AP3S2: variants seen among roughly 807,000 people sequenced by gnomAD.
The protein encoded by AP3S2 is AP-3 complex subunit sigma-2.
Under a neutral mutation model 23.4 loss-of-function variants are expected in AP3S2, and 22 were observed. The ratio of observed to expected loss-of-function variants is 0.94; its 90% CI spans 0.67 to 1.34. AP3S2 has a LOEUF of 1.34. Among genes scored for constraint, AP3S2 ranks in the 40% most tolerant of loss-of-function variants. The pLI is 0.00. For missense variants in AP3S2, 241 were observed against 236.9 expected (o/e 1.02, Z -0.11); for synonymous variants, 86 against 87.1 (o/e 0.99, Z 0.07).
At chr15:89,836,537 A>G (rs1276446148) in intron 5 of AP3S2, among the ~76,000 whole-genome samples, 1 of 152,198 alleles carries the variant, frequency 6.6e-6, no homozygotes, top group Non-Finnish European at 1.5e-5. Flanking sequence ...TATCACAGAT[A>G]AAGAAGAGCT....
At chr15:89,886,020 C>G (rs891434433) in intron 3 of AP3S2, among the ~76,000 whole-genome samples, 1 of 150,306 alleles carries the variant, frequency 6.7e-6, no homozygotes, top group Non-Finnish European at 1.5e-5. Flanking sequence ...ATCCAATGTA[C>G]AATGTACACT....
At chr15:89,856,221 A>T (rs1322492613) in intron 4 of AP3S2, among the ~76,000 whole-genome samples, 3 of 152,180 alleles carry the variant, frequency 2.0e-5, no homozygotes, top group Non-Finnish European at 4.4e-5. Context: ...GCCAGTATGC[A>T]CAAGTCATAA....
chr15:89,836,607 C>T (rs1302281585), intron 5 of AP3S2, among the ~76,000 whole-genome samples: 1 of 152,164 alleles, frequency 6.6e-6, no homozygotes, highest in African/African-American at 2.4e-5. Flanking sequence ...CAGGCTCACC[C>T]CCACGTGGAG....
At chr15:89,835,701 TAAAAAA>T (rs5814404) in intron 5 of AP3S2, 58 bp from the exon 6 acceptor site, 1,367 of 1,037,308 alleles carry the variant, frequency 1.3e-3, no homozygotes, top group Admixed American at 1.9e-3. Flanking sequence ...TGCTTAATGC[TAAAAAA>T]AAAAAAAAAA....
chr15:89,872,548 A>G (rs1248774393), intron 3 of AP3S2, among the ~76,000 whole-genome samples: 2 of 152,202 alleles, frequency 1.3e-5, no homozygotes, highest in Admixed American at 1.3e-4. Flanking sequence ...CTCTCAGACA[A>G]TGACCTCATT....
intron 5 of AP3S2, among the ~76,000 whole-genome samples, chr15:89,836,217 G>T (rs756484971): frequency 1.3e-5 from 2 of 152,204 alleles, no homozygotes; most frequent in Admixed American, 6.5e-5. Context: ...GCTCCTCAGA[G>T]GCGGAGTGTG....
In AP3S2 at chr15:89,871,459, C is replaced by T. The variant is rs375488438; in HGVS notation, c.345+16G>A. On this transcript the variant is annotated intron_variant, in intron 4 of 5. Coordinates refer to ENST00000336418, the MANE Select transcript of AP3S2 (RefSeq NM_005829.5). ...CTAGTAACCCTAGTTTGGAAGAGAA[C>T]TGCAAGAGAATATACCTTATCCATA... The T allele has an allele frequency of 6.2e-6, 10 of 1,609,268 alleles. No individual in the cohort carries two copies. In the South Asian group the frequency reaches 8.9e-5, roughly 14 times the overall value.
chr15:89,858,308 G>A (rs1348027397), intron 4 of AP3S2, among the ~76,000 whole-genome samples: 1 of 151,992 alleles, frequency 6.6e-6, no homozygotes, highest in Non-Finnish European at 1.5e-5. Context: ...GGGTGTGGTG[G>A]CGCACGCCTA....
Position 89,833,259 on chromosome 15 carries a change from C to A in AP3S2, c.*2256G>T, listed in dbSNP as rs1364094617. On this transcript the variant is annotated 3_prime_UTR_variant, in exon 6 of 6. Coordinates refer to ENST00000336418, the MANE Select transcript of AP3S2 (RefSeq NM_005829.5). ...TGGCTCTTATACTCTATGACATGAT[C>A]ACTGGCCACCTTAGAAAATCAAGCC... The A allele has an allele frequency of 2.0e-5, 3 of 152,174 alleles. No individual in the cohort carries two copies. Among genetic ancestry groups the A allele is most frequent in the Non-Finnish European group, 4.4e-5 (3 of 68,038 alleles). 9.4% of individuals were successfully genotyped at this position (152,174 alleles called of 1,614,324 possible). A position where few individuals can be genotyped will look rare whatever the true frequency, so the allele number is the denominator to read the frequency against.
chr15:89,846,690 C>T (rs938522291), intron 4 of AP3S2, among the ~76,000 whole-genome samples: 1 of 152,182 alleles, frequency 6.6e-6, no homozygotes, highest in Non-Finnish European at 1.5e-5. Context: ...CCACACCCAG[C>T]TAATTTTTTG....
At chr15:89,866,358 T>C (rs964069674) in intron 4 of AP3S2, among the ~76,000 whole-genome samples, 2 of 151,276 alleles carry the variant, frequency 1.3e-5, no homozygotes, top group African/African-American at 4.9e-5. Flanking sequence ...CTACCCCTTC[T>C]CCCAGTGAGA....
chr15:89,869,161 G>A (rs958177477), intron 4 of AP3S2, among the ~76,000 whole-genome samples: 1 of 151,910 alleles, frequency 6.6e-6, no homozygotes, highest in African/African-American at 2.4e-5. Context: ...TTGAGAAATC[G>A]GATGGTTGCC....
rs1035130191 is a variant in AP3S2, at chr15:89,835,456, G to C, written c.*59C>G. The C allele has an allele frequency of 8.1e-6, 13 of 1,602,694 alleles. No homozygotes were observed. The highest frequency in any genetic ancestry group is 1.1e-5 in the Non-Finnish European group (13 of 1,174,524). The stretch of plus-strand genomic sequence containing the variant: ...CAAAATGGGTTCTGTTTCCAGACGT[G>C]CTTGCCTTGCTTGTCTTTGCTTGTC... On this transcript the variant is annotated 3_prime_UTR_variant, in exon 6 of 6. Transcript: ENST00000336418.
Position 89,831,750 on chromosome 15 carries a change from G to C in AP3S2, c.*3765C>G, listed in dbSNP as rs965902726. 3 of 152,292 alleles carry C rather than the reference G, an allele frequency of 2.0e-5. No homozygotes were observed. Among genetic ancestry groups the C allele is most frequent in the African/African-American group, 7.2e-5 (3 of 41,474 alleles). The allele number at this position is 152,292 out of a possible 1,614,324, so 9.4% of individuals were successfully genotyped here. ...TATGTGGCAGAGGCCTGAATAAACA[G>C]GGATTTGAGAGGGCTCAAGATATCC... is the stretch of plus-strand genomic sequence containing the variant. On this transcript the variant is annotated 3_prime_UTR_variant, in exon 6 of 6. Transcript: ENST00000336418.
intron 4 of AP3S2, chr15:89,845,561 A>C (rs554516824): frequency 6.6e-6 from 1 of 152,268 alleles, no homozygotes; most frequent in Admixed American, 6.5e-5. Flanking sequence ...AACTGGAGAT[A>C]GAGTCAGGGC....
chr15:89,867,613 C>A (rs1054896335), intron 4 of AP3S2, among the ~76,000 whole-genome samples: 1 of 132,496 alleles, frequency 7.5e-6, no homozygotes, highest in Non-Finnish European at 1.6e-5. Flanking sequence ...TGAGGAGCGT[C>A]TCTGCCCGGC....
intron 3 of AP3S2, among the ~76,000 whole-genome samples, chr15:89,873,958 G>A (rs1896381323): frequency 2.2e-5 from 3 of 135,040 alleles, no homozygotes; most frequent in Non-Finnish European, 4.6e-5. Context: ...TCAGAACACT[G>A]CAGCCTCAGC....
intron 4 of AP3S2, among the ~76,000 whole-genome samples, chr15:89,855,912 C>T (rs1195714733): frequency 1.5e-5 from 2 of 135,424 alleles, no homozygotes; most frequent in Non-Finnish European, 3.1e-5. Flanking sequence ...CCAATAATTC[C>T]AGCATGTGTA....
In AP3S2 at chr15:89,889,679, C is replaced by CA. The variant is rs547002275; in HGVS notation, c.70-540dup. On this transcript the variant is annotated intron_variant, in intron 1 of 5. Coordinates refer to ENST00000336418, the MANE Select transcript of AP3S2 (RefSeq NM_005829.5). ...TGAAACCCCATCTCTACTAAAAATA[C>CA]AAAAAAAAACAAAACAAAATAAAAC... Among the ~76,000 whole-genome samples the CA allele has an allele frequency of 8.5e-4, 126 of 148,002 alleles. No homozygotes were observed. In the South Asian group the frequency reaches 0.013, roughly 15 times the overall value.
Sources: allele counts gnomAD v4.1 joint callset (sites outside exome capture counted in the v4.1 genomes callset), GRCh38; gene constraint gnomAD v4.1.1; transcripts MANE v1.5; gene names NCBI Gene and HGNC (gene_info 2026-07-23, HGNC 2026-07-21).